ARPC1A: variants seen among roughly 807,000 people sequenced by gnomAD.
The protein encoded by ARPC1A is actin-related protein 2/3 complex subunit 1A.
A neutral mutation model predicts 46.9 loss-of-function variants in ARPC1A; 8 were observed. The ratio of observed to expected loss-of-function variants is 0.17; its 90% CI spans 0.10 to 0.31. The LOEUF (loss-of-function observed/expected upper bound fraction) is 0.31, where lower values mean the gene tolerates loss of function less well. Ranked by LOEUF, ARPC1A falls within the 10% of genes least tolerant of loss-of-function variation. The pLI, the probability that ARPC1A is intolerant of heterozygous loss-of-function variation, is 1.00. For synonymous variants in ARPC1A, 152 were observed against 169.0 expected (o/e 0.90, Z 0.78); for missense variants, 286 against 483.6 (o/e 0.59, Z 3.83).
intron 4 of ARPC1A, among the ~76,000 whole-genome samples, chr7:99,346,894 G>A (rs113009405): frequency 1.3e-5 from 2 of 151,902 alleles, no homozygotes; most frequent in African/African-American, 2.4e-5. Context: ...CAGGAGAATC[G>A]CTTGAACCAG....
At chr7:99,331,621 T>A (rs1793145200) in intron 1 of ARPC1A, among the ~76,000 whole-genome samples, 1 of 151,882 alleles carries the variant, frequency 6.6e-6, no homozygotes, top group African/African-American at 2.4e-5. Flanking sequence ...GCCCATTTTT[T>A]AAAATGTGGA....
At chr7:99,355,250 C>T (rs183283891) in intron 6 of ARPC1A, among the ~76,000 whole-genome samples, 171 of 152,094 alleles carry the variant, frequency 1.1e-3, no homozygotes, top group African/African-American at 3.8e-3. Flanking sequence ...CCATTGCACT[C>T]CAGCCTGGGC....
intron 2 of ARPC1A, among the ~76,000 whole-genome samples, chr7:99,335,986 G>A (rs1335488101): frequency 6.6e-6 from 1 of 151,796 alleles, no homozygotes. Context: ...TCTGTATTGG[G>A]TAATTGAAAA....
chr7:99,331,515 A>G (rs1793143683), intron 1 of ARPC1A, among the ~76,000 whole-genome samples: 1 of 152,154 alleles, frequency 6.6e-6, no homozygotes, highest in African/African-American at 2.4e-5. Context: ...ATCTAATGGC[A>G]ATACCGTTAT....
At position 99,333,338 on chromosome 7, in the gene ARPC1A, GA is replaced by G; in HGVS notation, c.-12del. On this transcript the variant is annotated 5_prime_UTR_variant, in exon 2 of 10. Transcript: ENST00000262942. ...TGTTCATTGCAGCTTTCTCTCCTTTGAAAACACTAAGAATAATGTCACTGCA... is the reference window on the plus strand; with the variant it reads ...TGTTCATTGCAGCTTTCTCTCCTTTGAAACACTAAGAATAATGTCACTGCA... 1 of 1,609,722 alleles carries G rather than the reference GA, an allele frequency of 6.2e-7. No homozygotes were observed. Among genetic ancestry groups the G allele is most frequent in the Non-Finnish European group, 8.5e-7 (1 of 1,176,876 alleles).
intron 8 of ARPC1A, among the ~76,000 whole-genome samples, chr7:99,361,170 A>G (rs2150875076): frequency 6.6e-6 from 1 of 152,258 alleles, no homozygotes; most frequent in Non-Finnish European, 1.5e-5. Flanking sequence ...GAGAAGGGGC[A>G]GCTGTATATA....
At chr7:99,339,018 C>A (rs1001493105) in intron 3 of ARPC1A, among the ~76,000 whole-genome samples, 1 of 152,110 alleles carries the variant, frequency 6.6e-6, no homozygotes, top group African/African-American at 2.4e-5. Flanking sequence ...AATAAACACC[C>A]ATATCAGATA....
At chr7:99,359,046 T>G (rs1338792661) in intron 7 of ARPC1A, among the ~76,000 whole-genome samples, 1 of 147,742 alleles carries the variant, frequency 6.8e-6, no homozygotes, top group Admixed American at 6.7e-5. Flanking sequence ...TTAGCCAGGA[T>G]GGTCTCAATC....
At chr7:99,333,973 C>T (rs549204366) in intron 2 of ARPC1A, among the ~76,000 whole-genome samples, 17 of 146,318 alleles carry the variant, frequency 1.2e-4, no homozygotes, top group African/African-American at 2.5e-4. Context: ...CCTGTCTCTA[C>T]GAAAAAAAAT....
At chr7:99,327,131 C>G (rs1793060152) in intron 1 of ARPC1A, among the ~76,000 whole-genome samples, 1 of 151,930 alleles carries the variant, frequency 6.6e-6, no homozygotes, top group African/African-American at 2.4e-5. Context: ...AGAGGAGGGG[C>G]ATCAGTCAGG....
At chr7:99,346,077 G>T (rs775731913) in intron 4 of ARPC1A, among the ~76,000 whole-genome samples, 26 of 152,064 alleles carry the variant, frequency 1.7e-4, no homozygotes, top group Non-Finnish European at 3.4e-4. Flanking sequence ...TTAACGGGGT[G>T]TGGTGGTGCA....
chr7:99,341,060 A>G (rs538826588), intron 3 of ARPC1A, among the ~76,000 whole-genome samples: 27 of 152,196 alleles, frequency 1.8e-4, no homozygotes, highest in African/African-American at 6.0e-4. Context: ...TGTAATCCCA[A>G]CACTTTAGGA....
At chr7:99,329,161 T>C (rs1377983282) in intron 1 of ARPC1A, among the ~76,000 whole-genome samples, 4 of 151,250 alleles carry the variant, frequency 2.6e-5, no homozygotes, top group African/African-American at 4.9e-5. Context: ...ATTGGCCGGG[T>C]GTGGTGGCGG....
intron 3 of ARPC1A, among the ~76,000 whole-genome samples, chr7:99,340,563 C>T (rs1793340896): frequency 6.6e-6 from 1 of 152,212 alleles, no homozygotes; most frequent in African/African-American, 2.4e-5. Context: ...CCATCTCAGC[C>T]TCCCCAGGAG....
intron 2 of ARPC1A, among the ~76,000 whole-genome samples, chr7:99,336,683 G>A (rs1343128337): frequency 3.9e-5 from 6 of 152,032 alleles, no homozygotes; most frequent in East Asian, 1.9e-4. Context: ...TAGCAGAGAC[G>A]GGGTTTCCCC....
chr7:99,328,286 T>C (rs1793084095), intron 1 of ARPC1A, among the ~76,000 whole-genome samples: 1 of 152,112 alleles, frequency 6.6e-6, no homozygotes, highest in African/African-American at 2.4e-5. Context: ...GGAGAATCGC[T>C]TGAACCCGGG....
chr7:99,348,785 T>C, intron 4 of ARPC1A, 67 bp from the exon 5 acceptor site: 1 of 1,276,574 alleles, frequency 7.8e-7, no homozygotes, highest in South Asian at 1.4e-5. Context: ...TCACCTGACA[T>C]ACATTTGTAG....
At chr7:99,353,509 C>T (rs1367371410) in intron 5 of ARPC1A, among the ~76,000 whole-genome samples, 2 of 135,542 alleles carry the variant, frequency 1.5e-5, no homozygotes, top group Non-Finnish European at 3.1e-5. Context: ...AGGAGTTTCT[C>T]TCTTGTTGCC....
At chr7:99,329,157 CG>C (rs1793102314) in intron 1 of ARPC1A, among the ~76,000 whole-genome samples, 1 of 151,498 alleles carries the variant, frequency 6.6e-6, no homozygotes, top group Non-Finnish European at 1.5e-5. Flanking sequence ...AAAAATTGGC[CG>C]GGTGTGGTGG....
Sources: allele counts gnomAD v4.1 joint callset (sites outside exome capture counted in the v4.1 genomes callset), GRCh38; gene constraint gnomAD v4.1.1; transcripts MANE v1.5; gene names NCBI Gene and HGNC (gene_info 2026-07-23, HGNC 2026-07-21).